Variants in TERB1 observed in about 807,000 individuals in gnomAD.
The protein encoded by TERB1 is telomere repeat binding bouquet formation protein 1.
TERB1 carries 63 observed loss-of-function variants against 92.3 expected under a neutral mutation model. That is an observed-to-expected ratio of 0.68 (90% CI 0.56 to 0.84). The LOEUF is 0.84. TERB1 is among the 40% of genes least tolerant of loss of function. The pLI, the probability that TERB1 is intolerant of heterozygous loss-of-function variation, is 0.00. For missense variants in TERB1, 709 were observed against 843.7 expected, an observed-to-expected ratio of 0.84 and a Z score of 1.98; for synonymous variants, 252 against 283.9, an observed-to-expected ratio of 0.89 and a Z score of 1.13.
At chr16:66,800,396 T>G (rs936536020) in intron 2 of TERB1, among the ~76,000 whole-genome samples, 3 of 145,934 alleles carry the variant, frequency 2.1e-5, no homozygotes, top group Non-Finnish European at 4.6e-5. Flanking sequence ...AAGAAAGTTT[T>G]TTTTTTTTTT....
At chr16:66,800,393 T>G (rs1412169088) in intron 2 of TERB1, among the ~76,000 whole-genome samples, 2 of 56,946 alleles carry the variant, frequency 3.5e-5, no homozygotes, top group Admixed American at 4.8e-4. Flanking sequence ...ATAAAGAAAG[T>G]TTTTTTTTTT....
intron 13 of TERB1, among the ~76,000 whole-genome samples, chr16:66,772,104 A>G (rs770426237): frequency 1.3e-4 from 20 of 152,180 alleles, no homozygotes; most frequent in Non-Finnish European, 2.4e-4. Context: ...CAGTATTACT[A>G]TGGAGTTTTC....
Position 66,790,653 on chromosome 16 carries a change from T to C in TERB1, c.213A>G (p.Glu71=), listed in dbSNP as rs1389447479. 2 of 1,550,924 alleles carry C rather than the reference T, an allele frequency of 1.3e-6. No homozygotes were observed. The highest frequency in any genetic ancestry group is 3.9e-5 in the Admixed American group (2 of 51,002). Residue 71 remains glutamate (E), a synonymous_variant, in exon 5 of 19, where the codon GAA becomes GAG. Coordinates refer to ENST00000433154, the MANE Select transcript of TERB1 (RefSeq NM_001136505.2). The part of the protein sequence containing the change: ...MFVKNLAKSS[E]HSMVKEAALY... ...AGGCTGCTTCTTTTACCATGCTATG[T>C]TCACTTGACTTTGCAAGATTTTTTA...
At chr16:66,769,748 A>C (rs1465437864) in intron 14 of TERB1, among the ~76,000 whole-genome samples, 1 of 152,202 alleles carries the variant, frequency 6.6e-6, no homozygotes, top group African/African-American at 2.4e-5. Flanking sequence ...GTTAAAACCC[A>C]AAATCCACAG....
chr16:66,785,927 A>T lies in TERB1; in HGVS notation c.578-19T>A. The T allele has an allele frequency of 6.5e-7, 1 of 1,535,172 alleles. No individual in the cohort carries two copies. The highest frequency in any genetic ancestry group is 8.8e-7 in the Non-Finnish European group (1 of 1,138,956). On this transcript the variant is annotated intron_variant, in intron 8 of 18. Transcript: ENST00000433154. Reference sequence around the variant, plus strand: ...TTCTCATCTGAAAGAAGACAAAGTCAATCATGATTTAATATGACAATTGGA... The same window carrying T: ...TTCTCATCTGAAAGAAGACAAAGTCTATCATGATTTAATATGACAATTGGA...
chr16:66,792,104 G>C (rs2018845478), intron 3 of TERB1, among the ~76,000 whole-genome samples: 1 of 151,968 alleles, frequency 6.6e-6, no homozygotes, highest in Non-Finnish European at 1.5e-5. Flanking sequence ...GTTTATCCCA[G>C]AAATACAAGG....
chr16:66,772,817 A>G (rs779051129), intron 12 of TERB1, 68 bp from the exon 13 acceptor site: 70 of 1,190,976 alleles, frequency 5.9e-5, no homozygotes, highest in Non-Finnish European at 7.8e-5. Context: ...GGACAACTTC[A>G]CAGCCCACCC....
rs370811077 is a variant in TERB1 at position 66,770,221 on chromosome 16, C to T, written c.1361G>A (p.Arg454Gln). The stretch of plus-strand genomic sequence containing the variant: ...TTCTGCTTTGCTACCTCGACCAATC[C>T]GATCTGCATGGAGATGTTTCCATGT... ...QNTWKHLHADRIGRGSKAEDE... is the reference protein window; with the variant it reads ...QNTWKHLHADQIGRGSKAEDE... Residue 454 changes from arginine to glutamine, a missense_variant, in exon 14 of 19, where the codon CGG becomes CAG. Coordinates refer to ENST00000433154, the MANE Select transcript of TERB1 (RefSeq NM_001136505.2). 58 of 1,552,054 alleles carry T rather than the reference C, an allele frequency of 3.7e-5. No homozygotes were observed. Among genetic ancestry groups the T allele is most frequent in the African/African-American group, 2.7e-5 (2 of 73,024 alleles).
intron 18 of TERB1, among the ~76,000 whole-genome samples, chr16:66,758,143 A>C (rs1885926588): frequency 6.6e-6 from 1 of 152,238 alleles, no homozygotes. Flanking sequence ...ATTATGCCTT[A>C]CAATAGGAGC....
At chr16:66,788,628 CAT>C in intron 5 of TERB1, among the ~76,000 whole-genome samples, 1 of 146,554 alleles carries the variant, frequency 6.8e-6, no homozygotes, top group East Asian at 2.0e-4. Context: ...AGTAACAAAA[CAT>C]AGCAAGAAAA....
chr16:66,782,163 C>A (rs1057184480), intron 9 of TERB1, among the ~76,000 whole-genome samples: 2 of 152,144 alleles, frequency 1.3e-5, no homozygotes, highest in African/African-American at 4.8e-5. Flanking sequence ...AATATCTTTT[C>A]CTCCACAGAA....
intron 6 of TERB1, among the ~76,000 whole-genome samples, 171 bp downstream of exon 6, chr16:66,787,998 T>C (rs2018756857): frequency 6.6e-6 from 1 of 152,128 alleles, no homozygotes; most frequent in African/African-American, 2.4e-5. Context: ...GTGGCAGAGG[T>C]TGCAGTAAGC....
chr16:66,786,039 A>T lies in TERB1; in HGVS notation c.552T>A (p.Cys184Ter), dbSNP rs2018724304. Residue 184 changes from cysteine (C) to a stop codon, truncating the protein, a stop_gained, in exon 8 of 19, where the codon TGT (cysteine) becomes TGA (stop). Coordinates refer to ENST00000433154, the MANE Select transcript of TERB1 (RefSeq NM_001136505.2). LOFTEE classifies it high-confidence loss of function. The part of the protein sequence containing the change: ...QLWSSVCSTL[C>*]VCVNNPQNDE... ...CATTTTGAGGATTGTTGACACAGAC[A>T]CACAGAGTACTACACACTGAAGACC... 6.5e-7 allele frequency: 1 copy of T among 1,550,234 alleles called. No individual in the cohort carries two copies. The highest frequency in any genetic ancestry group is 8.7e-7 in the Non-Finnish European group (1 of 1,146,242).
At chr16:66,780,401 T>A (rs138770349) in intron 9 of TERB1, among the ~76,000 whole-genome samples, 5 of 147,298 alleles carry the variant, frequency 3.4e-5, no homozygotes, top group Non-Finnish European at 4.5e-5. Context: ...CTCTACAAAA[T>A]AAAAAAAAAA....
At chr16:66,780,270 A>G (rs2018614210) in intron 9 of TERB1, among the ~76,000 whole-genome samples, 1 of 152,152 alleles carries the variant, frequency 6.6e-6, no homozygotes, top group Non-Finnish European at 1.5e-5. Flanking sequence ...ATCTTCAAAA[A>G]AGAGGCTGGG....
In TERB1 at chr16:66,781,677, G is replaced by A. The variant is rs578242812; in HGVS notation, c.701-2662C>T. 1.4e-4 allele frequency among the ~76,000 whole-genome samples: 21 copies of A among 151,650 alleles called. No homozygotes were observed. The South Asian group carries it at 4.2e-3, about 30-fold the overall frequency. ...TGGGACTACAGGCGCCCACCACCAC[G>A]CCCGGCTAATTTTTTTGTATTTTTA... On this transcript the variant is annotated intron_variant, in intron 9 of 18. Coordinates refer to ENST00000433154, the MANE Select transcript of TERB1 (RefSeq NM_001136505.2).
chr16:66,768,964 G>A (rs536003270), intron 14 of TERB1, among the ~76,000 whole-genome samples: 1 of 152,084 alleles, frequency 6.6e-6, no homozygotes, highest in South Asian at 2.1e-4. Context: ...AATTAGCCGG[G>A]CGTGGTGGCA....
At chr16:66,773,531 C>T (rs928657876) in intron 12 of TERB1, among the ~76,000 whole-genome samples, 6 of 152,080 alleles carry the variant, frequency 3.9e-5, no homozygotes, top group African/African-American at 1.4e-4. Flanking sequence ...ATCACAGGGC[C>T]TTTGTGCCTC....
Position 66,759,169 on chromosome 16 carries a change from T to G in TERB1, c.1902A>C (p.Glu634Asp). The change falls in exon 17 of 19, where the codon GAA (glutamate) becomes GAC (aspartate). Residue 634 changes from glutamate (E) to aspartate (D), a missense_variant. Coordinates refer to ENST00000433154, the MANE Select transcript of TERB1 (RefSeq NM_001136505.2). ...TGTTACAGATAAGTGATTTCCTTAG[T>G]TCACTTTTATATCTGTCTTCAGCTT... ...IVEAEDRYKS[E>D]LRKSLICNKK... is the part of the protein sequence containing the mutation. The G allele has an allele frequency of 6.5e-7, 1 of 1,548,340 alleles. No individual in the cohort carries two copies. Among genetic ancestry groups the G allele is most frequent in the Non-Finnish European group, 8.7e-7 (1 of 1,146,086 alleles).
Sources: gnomAD v4.1 joint callset for allele counts (sites outside exome capture counted in the v4.1 genomes callset) on GRCh38, gnomAD v4.1.1 for gene constraint, MANE v1.5 for transcripts, NCBI Gene and HGNC (gene_info 2026-07-23, HGNC 2026-07-21) for gene names.